The following TTI1 variants were observed in gnomAD, a reference collection of about 807,000 sequenced individuals.
The protein encoded by TTI1 is TELO2-interacting protein 1 homolog.
In TTI1, 52 loss-of-function variants were observed where a neutral mutation model predicts 85.4. The observed-to-expected ratio is 0.61, with a 90% CI of 0.49 to 0.77. The LOEUF is 0.77. Ranked by LOEUF, TTI1 falls within the 30% of genes least tolerant of loss-of-function variation. TTI1 has a pLI of 0.00. For missense variants in TTI1, 1,173 were observed against 1,296.0 expected, an observed-to-expected ratio of 0.91 and a Z score of 1.46; for synonymous variants, 512 against 503.9, an observed-to-expected ratio of 1.02 and a Z score of -0.22.
In TTI1 at chr20:38,019,272, T is replaced by C. The variant is rs532912892; in HGVS notation, c.-41-5415A>G. 5 of 151,586 alleles carry C rather than the reference T, an allele frequency of 3.3e-5. No homozygotes were observed. In the East Asian group the frequency reaches 9.7e-4, roughly 29 times the overall value. The allele number at this position is 151,586 out of a possible 1,614,324, so 9.4% of individuals were successfully genotyped here. ...AAGAAAATAAACCTAGACAGAAGCA[T>C]GGAACTATAAGAGGGAATGAAGAAA... On this transcript the variant is annotated intron_variant, in intron 1 of 7. Transcript: ENST00000373447.
intron 1 of TTI1, among the ~76,000 whole-genome samples, chr20:38,015,070 A>G (rs1049926628): frequency 2.6e-5 from 4 of 152,130 alleles, no homozygotes; most frequent in Non-Finnish European, 2.9e-5. Context: ...AGATGATAAG[A>G]AAGTGCTTGT....
chr20:38,028,029 G>C (rs1285884594), intron 1 of TTI1, among the ~76,000 whole-genome samples: 1 of 152,230 alleles, frequency 6.6e-6, no homozygotes, highest in Non-Finnish European at 1.5e-5. Context: ...TGAGTAGGCT[G>C]AGGAGGAGGT....
chr20:38,023,177 G>T (rs922799227), intron 1 of TTI1, among the ~76,000 whole-genome samples: 8 of 152,172 alleles, frequency 5.3e-5, no homozygotes, highest in African/African-American at 1.4e-4. Context: ...GCAGCACAAG[G>T]CTCAGAGAGG....
intron 4 of TTI1, among the ~76,000 whole-genome samples, chr20:38,001,308 T>C (rs1435327404): frequency 3.9e-5 from 6 of 152,210 alleles, no homozygotes; most frequent in Admixed American, 1.3e-4. Flanking sequence ...AGGCTCAACA[T>C]GATGAATTAA....
chr20:37,991,995 C>T (rs938339069), intron 7 of TTI1, among the ~76,000 whole-genome samples: 4 of 152,198 alleles, frequency 2.6e-5, no homozygotes, highest in African/African-American at 4.8e-5. Flanking sequence ...ATCTGAACCT[C>T]GGTTTGTCCA....
At chr20:38,010,590 C>T (rs1365264323) in intron 2 of TTI1, among the ~76,000 whole-genome samples, 2 of 151,450 alleles carry the variant, frequency 1.3e-5, no homozygotes, top group Admixed American at 6.6e-5. Context: ...CCTGCCTCAG[C>T]TTCCCAAGTA....
chr20:38,016,672 C>CTGA (rs2073687551), intron 1 of TTI1, among the ~76,000 whole-genome samples: 1 of 152,214 alleles, frequency 6.6e-6, no homozygotes, highest in Non-Finnish European at 1.5e-5. Context: ...TTCAAATCTG[C>CTGA]TGATGATGAT....
chr20:38,013,020 T>C lies in TTI1; in HGVS notation c.797A>G (p.His266Arg). Residue 266 changes from histidine to arginine, a missense_variant, in exon 2 of 8, where the codon CAC becomes CGC. Transcript: ENST00000373447. ...GTAAACCATCAGCTCTGCTACTCTGTGCTCAACTGCAGGTTTTGCTTGGAC... is the reference window on the plus strand; with the variant it reads ...GTAAACCATCAGCTCTGCTACTCTGCGCTCAACTGCAGGTTTTGCTTGGAC... ...SKVQAKPAVE[H>R]RVAELMVYRE... The C allele has an allele frequency of 1.9e-6, 3 of 1,614,096 alleles. No individual in the cohort carries two copies. The highest frequency in any genetic ancestry group is 2.5e-6 in the Non-Finnish European group (3 of 1,180,038).
intron 7 of TTI1, among the ~76,000 whole-genome samples, chr20:37,988,757 G>T (rs2073224587): frequency 6.6e-6 from 1 of 152,288 alleles, no homozygotes; most frequent in Non-Finnish European, 1.5e-5. Context: ...CTCTATGTGG[G>T]CATGGTTAAA....
At position 37,999,217 on chromosome 20, in the gene TTI1, C is replaced by T. The variant is rs200742197; in HGVS notation, c.2764G>A (p.Ala922Thr). Residue 922 changes from alanine (A) to threonine (T), a missense_variant, in exon 5 of 8, where the codon GCC (alanine) becomes ACC (threonine). Transcript: ENST00000373447. The part of the protein sequence containing the change: ...PSLVHRLTRD[A>T]PLAVLRAFKV... ...AAGGCTCTAAGCACTGCCAGGGGGG[C>T]GTCCCGTGTGAGTCGGTGAACGAGC... 9.3e-5 allele frequency: 139 copies of T among 1,499,576 alleles called. No homozygotes were observed. The highest frequency in any genetic ancestry group is 1.1e-4 in the Non-Finnish European group (128 of 1,121,860). The allele number at this position is 1,499,576 out of a possible 1,614,324, so 92.9% of individuals were successfully genotyped here. A position where few individuals can be genotyped will look rare whatever the true frequency, so the allele number is the denominator to read the frequency against.
chr20:37,997,764 G>A (rs748633068), intron 5 of TTI1, among the ~76,000 whole-genome samples: 4 of 152,078 alleles, frequency 2.6e-5, no homozygotes, highest in African/African-American at 7.2e-5. Context: ...TGTCATCATC[G>A]TGTCTGCGCA....
intron 1 of TTI1, among the ~76,000 whole-genome samples, chr20:38,020,318 A>AT (rs2073746278): frequency 1.1e-4 from 9 of 84,172 alleles, no homozygotes; most frequent in African/African-American, 2.8e-4. Flanking sequence ...ATGAAAAAAA[A>AT]AAAAAATATA....
At chr20:38,024,914 C>T (rs1365588932) in intron 1 of TTI1, among the ~76,000 whole-genome samples, 2 of 152,136 alleles carry the variant, frequency 1.3e-5, no homozygotes, top group Non-Finnish European at 2.9e-5. Flanking sequence ...TTCACCACTG[C>T]CCAGTGGTAA....
chr20:38,001,097 A>C (rs1305241292), intron 4 of TTI1, among the ~76,000 whole-genome samples: 1 of 152,182 alleles, frequency 6.6e-6, no homozygotes, highest in Non-Finnish European at 1.5e-5. Context: ...CTCTCCCCAC[A>C]AAAGACAGGG....
rs751381045 is a variant in TTI1 at position 38,013,415 on chromosome 20, A to C, written c.402T>G (p.Ala134=). The change falls in exon 2 of 8, where the codon GCT becomes GCG. Residue 134 remains alanine (A), a synonymous_variant. Coordinates refer to ENST00000373447, the MANE Select transcript of TTI1 (RefSeq NM_001303457.2). ...IQGLSTLMHS[A]YGDIILTFYE... ...AAAAAGTCAGAATGATGTCCCCATAAGCTGAGTGCATTAATGTGCTAAGTC... is the reference window on the plus strand; with the variant it reads ...AAAAAGTCAGAATGATGTCCCCATACGCTGAGTGCATTAATGTGCTAAGTC... 6.2e-7 allele frequency: 1 copy of C among 1,614,068 alleles called. No individual in the cohort carries two copies. The highest frequency in any genetic ancestry group is 8.5e-7 in the Non-Finnish European group (1 of 1,180,042).
intron 1 of TTI1, among the ~76,000 whole-genome samples, chr20:38,016,469 T>C (rs1453167449): frequency 2.6e-5 from 4 of 152,240 alleles, no homozygotes; most frequent in Admixed American, 1.3e-4. Flanking sequence ...CATTCTCAGA[T>C]TATATAACAA....
intron 1 of TTI1, among the ~76,000 whole-genome samples, chr20:38,014,975 C>T (rs187123405): frequency 2.0e-4 from 31 of 152,182 alleles, no homozygotes; most frequent in Admixed American, 7.9e-4. Flanking sequence ...TGTAAAATGT[C>T]GGCATTGGAT....
chr20:38,017,433 TGTGC>T (rs1388307209), intron 1 of TTI1, among the ~76,000 whole-genome samples: 9 of 149,026 alleles, frequency 6.0e-5, no homozygotes, highest in African/African-American at 2.0e-4. Flanking sequence ...TGTGTGTGTG[TGTGC>T]GCGCGCGCCT....
intron 2 of TTI1, among the ~76,000 whole-genome samples, chr20:38,010,378 T>C (rs1341687688): frequency 6.6e-6 from 1 of 152,094 alleles, no homozygotes; most frequent in Admixed American, 6.5e-5. Flanking sequence ...GGACCCAAGC[T>C]ATACAGCTTA....
Sources: allele counts gnomAD v4.1 joint callset (sites outside exome capture counted in the v4.1 genomes callset), GRCh38; gene constraint gnomAD v4.1.1; transcripts MANE v1.5; gene names NCBI Gene and HGNC (gene_info 2026-07-23, HGNC 2026-07-21).